Variants in HHLA2 observed in about 807,000 individuals in gnomAD.
The protein encoded by HHLA2 is HERV-H LTR-associating protein 2.
HHLA2 carries 48 observed loss-of-function variants against 45.9 expected under a neutral mutation model. That is an observed-to-expected ratio of 1.05 (90% CI 0.83 to 1.33). HHLA2 has a LOEUF of 1.33. Among genes scored for constraint, HHLA2 ranks in the 40% most tolerant of loss-of-function variants. The probability of loss-of-function intolerance (pLI) is 0.00; values close to 1 mark genes in which losing one functional copy is unlikely to be tolerated. For synonymous variants in HHLA2, 161 were observed against 173.9 expected, an observed-to-expected ratio of 0.93 and a Z score of 0.59; for missense variants, 462 against 494.3, an observed-to-expected ratio of 0.93 and a Z score of 0.62.
rs187252431 is a variant in HHLA2, at chr3:108,312,337, T to G, written c.-105+1596T>G. ...ATAAATTTCTTCTTTATCAAAAACCTGTGGTGTTTCTGCTCCCTGGCTGGA... is the reference window on the plus strand; with the variant it reads ...ATAAATTTCTTCTTTATCAAAAACCGGTGGTGTTTCTGCTCCCTGGCTGGA... On this transcript the variant is annotated intron_variant, in intron 2 of 10. Transcript: ENST00000619531. 4.1e-4 allele frequency among the ~76,000 whole-genome samples: 62 copies of G among 152,358 alleles called. 2 individuals are homozygous for G. The highest frequency in any genetic ancestry group is 9.1e-4 in the African/African-American group (38 of 41,580).
intron 1 of HHLA2, among the ~76,000 whole-genome samples, chr3:108,307,704 T>A (rs924500429): frequency 6.6e-6 from 1 of 152,120 alleles, no homozygotes; most frequent in Non-Finnish European, 1.5e-5. Context: ...ATATACATGG[T>A]TCATTTGTCA....
At chr3:108,325,887 A>G in intron 2 of HHLA2, 1 of 403,854 alleles carries the variant, frequency 2.5e-6, no homozygotes, top group South Asian at 2.1e-5. Context: ...TGGCTGGATG[A>G]AGCACTAGCC....
rs746832212 is a variant in HHLA2 at position 108,353,476 on chromosome 3, C to A, written c.114C>A (p.Ile38=). ...TTTATGTTCCTATGAATGAACAAATCGTCATTGGAAGACTTGATGAAGATA... is the reference window on the plus strand; with the variant it reads ...TTTATGTTCCTATGAATGAACAAATAGTCATTGGAAGACTTGATGAAGATA... The change falls in exon 5 of 11, where the codon ATC becomes ATA. Residue 38 remains isoleucine, a synonymous_variant. Transcript: ENST00000619531. 6 of 1,602,066 alleles carry A rather than the reference C, an allele frequency of 3.7e-6. 1 individual carries two copies. The South Asian group carries it at 6.7e-5, about 18-fold the overall frequency.
At chr3:108,357,888 C>A (rs749030163) in exon 7 of HHLA2, 19 of 1,613,690 alleles carry the variant, frequency 1.2e-5, no homozygotes, top group Non-Finnish European at 1.6e-5. Flanking sequence ...ACTCTCATGT[C>A]AACCTGTAAA....
In HHLA2 at chr3:108,344,193, AT is replaced by A. The variant is rs5851588; in HGVS notation, c.-26-7585del. 2.9e-3 allele frequency among the ~76,000 whole-genome samples: 434 copies of A among 150,730 alleles called. 5 individuals carry two copies. Among genetic ancestry groups the A allele is most frequent in the African/African-American group, 9.8e-3 (404 of 41,142 alleles). ...GTCCTGAGTATGGTGCCACTGTTTG[AT>A]TTTTTTTTTCCTGTATCCATAGAAC... On this transcript the variant is annotated intron_variant, in intron 3 of 10. Coordinates refer to ENST00000619531, the Ensembl canonical transcript of HHLA2.
At chr3:108,301,564 T>G (rs989976417) in intron 1 of HHLA2, among the ~76,000 whole-genome samples, 1 of 152,000 alleles carries the variant, frequency 6.6e-6, no homozygotes, top group Admixed American at 6.6e-5. Flanking sequence ...TGCCCCCAAT[T>G]ATTTCAATTG....
chr3:108,377,595 C>A, exon 11 of HHLA2: 1 of 258,292 alleles, frequency 3.9e-6, no homozygotes, highest in Non-Finnish European at 7.5e-6. Flanking sequence ...GAGCTCTCCA[C>A]TAAGAATCTG....
rs1225516333 is a variant in HHLA2 at position 108,375,271 on chromosome 3, T to C, written c.1109-479T>C. ...GCATATTCTCACTCATAGGTGGGAA[T>C]TGAACAATGAGAACACATGGACACA... On this transcript the variant is annotated intron_variant, in intron 8 of 10. Transcript: ENST00000619531. 6.8e-5 allele frequency among the ~76,000 whole-genome samples: 10 copies of C among 146,026 alleles called. 1 individual carries two copies. Among genetic ancestry groups the C allele is most frequent in the East Asian group, 2.0e-4 (1 of 4,918 alleles).
At chr3:108,358,274 A>G (rs2081933012) in intron 7 of HHLA2, 113 bp downstream of exon 6, 3 of 689,948 alleles carry the variant, frequency 4.3e-6, no homozygotes, top group Non-Finnish European at 7.0e-6. Flanking sequence ...CCCTCTCAAA[A>G]TATAATCCAC....
In HHLA2 at chr3:108,338,723, C is replaced by G. The variant is rs2081515805; in HGVS notation, c.-27+10376C>G. The stretch of plus-strand genomic sequence containing the variant: ...CCCCCTCCCACCTTGGACAGGTTGC[C>G]ATGATTATTCACACCTGGATTAGTT... On this transcript the variant is annotated intron_variant, in intron 3 of 10. Transcript: ENST00000619531. Among the ~76,000 whole-genome samples, 4 of 152,148 alleles carry G rather than the reference C, an allele frequency of 2.6e-5. No homozygotes were observed. The South Asian group carries it at 8.3e-4, about 32-fold the overall frequency.
intron 8 of HHLA2, among the ~76,000 whole-genome samples, chr3:108,369,707 G>A (rs555774496): frequency 2.4e-4 from 37 of 152,286 alleles, no homozygotes; most frequent in Admixed American, 1.4e-3. Context: ...ACGGAGTCTC[G>A]CTCATTGCTA....
intron 1 of HHLA2, among the ~76,000 whole-genome samples, chr3:108,308,061 T>C (rs1284900623): frequency 2.0e-5 from 3 of 152,218 alleles, no homozygotes; most frequent in Non-Finnish European, 4.4e-5. Context: ...AATTATGTTA[T>C]TGATTATAGT....
intron 2 of HHLA2, among the ~76,000 whole-genome samples, chr3:108,312,815 T>G (rs2081042436): frequency 6.6e-6 from 1 of 152,218 alleles, no homozygotes; most frequent in African/African-American, 2.4e-5. Context: ...CATTTCTGGC[T>G]CTGCCTCAAG....
chr3:108,373,295 ACT>A (rs1334526625), intron 8 of HHLA2, among the ~76,000 whole-genome samples: 5 of 152,056 alleles, frequency 3.3e-5, no homozygotes, highest in Non-Finnish European at 7.4e-5. Context: ...CATGCTAAAA[ACT>A]CTCAATAAAT....
intron 3 of HHLA2, 146 bp from the exon 3 acceptor site, chr3:108,351,642 G>T (rs2081779218): frequency 3.8e-6 from 2 of 523,256 alleles, no homozygotes; most frequent in Non-Finnish European, 6.7e-6. Flanking sequence ...AACCTATTAA[G>T]AAATTCCTTC....
intron 3 of HHLA2, among the ~76,000 whole-genome samples, chr3:108,340,701 G>T (rs1369622362): frequency 6.6e-6 from 1 of 151,982 alleles, no homozygotes; most frequent in Admixed American, 6.6e-5. Context: ...AATACAAATA[G>T]TTATGTCATA....
At chr3:108,372,503 A>T (rs2082195720) in intron 8 of HHLA2, among the ~76,000 whole-genome samples, 1 of 44,056 alleles carries the variant, frequency 2.3e-5, no homozygotes, top group South Asian at 4.3e-4. Context: ...AAATAGAGAC[A>T]CAAAAAACCC....
chr3:108,298,494 G>T (rs2080799079), intron 1 of HHLA2, among the ~76,000 whole-genome samples: 1 of 152,070 alleles, frequency 6.6e-6, no homozygotes, highest in Admixed American at 6.5e-5. Context: ...GTATATATTT[G>T]CAGGCCCCTT....
intron 8 of HHLA2, among the ~76,000 whole-genome samples, chr3:108,372,279 G>A (rs2082191126): frequency 1.3e-5 from 2 of 151,806 alleles, no homozygotes; most frequent in Admixed American, 6.5e-5. Flanking sequence ...TGAAACCAAT[G>A]AGAACAAAGA....
Sources: allele counts gnomAD v4.1 joint callset (sites outside exome capture counted in the v4.1 genomes callset), GRCh38; gene constraint gnomAD v4.1.1; transcripts MANE v1.5; gene names NCBI Gene and HGNC (gene_info 2026-07-23, HGNC 2026-07-21).